CDS2: variants seen among roughly 807,000 people sequenced by gnomAD.
CDS2 encodes phosphatidate cytidylyltransferase 2.
In CDS2, 47 loss-of-function variants were observed where a neutral mutation model predicts 59.0. The ratio of observed to expected loss-of-function variants is 0.80; its 90% CI spans 0.63 to 1.02. The LOEUF is 1.02. CDS2 is among the 50% of genes least tolerant of loss of function. CDS2 has a pLI of 0.00. For synonymous variants in CDS2, 207 were observed against 206.4 expected (o/e 1.00, Z -0.02); for missense variants, 356 against 558.9 (o/e 0.64, Z 3.66).
At chr20:5,178,760 T>C (rs1217959222) in intron 4 of CDS2, 57 bp from the exon 5 acceptor site, 11 of 1,592,302 alleles carry the variant, frequency 6.9e-6, no homozygotes, top group Non-Finnish European at 9.5e-6. Flanking sequence ...GATGTCTGAC[T>C]GCCTTGCTGT....
chr20:5,160,068 A>T (rs1476105078), intron 1 of CDS2, among the ~76,000 whole-genome samples: 1 of 152,194 alleles, frequency 6.6e-6, no homozygotes, highest in Non-Finnish European at 1.5e-5. Context: ...GCCGATGATG[A>T]TGAAGCTGAG....
intron 1 of CDS2, among the ~76,000 whole-genome samples, chr20:5,135,699 G>A (rs934462634): frequency 1.3e-5 from 2 of 152,010 alleles, no homozygotes; most frequent in African/African-American, 4.8e-5. Context: ...CATGTTGTTT[G>A]CCCCAACAGT....
chr20:5,183,253 C>T (rs2091044174), intron 7 of CDS2, 110 bp downstream of exon 7: 4 of 866,682 alleles, frequency 4.6e-6, no homozygotes, highest in African/African-American at 1.7e-5. Context: ...GAATCCTCTG[C>T]AGGGTTCATT....
rs1040019910 is a variant in CDS2, at chr20:5,183,086, T to A, written c.614T>A (p.Leu205Gln). Residue 205 changes from leucine to glutamine, a missense_variant, in exon 7 of 13, where the codon CTG becomes CAG. Physicochemically the swap from Leu to Gln is moderately radical, Grantham distance 113. This residue lies in a region of CDS2 where 87 missense variants were observed against 193.3 expected (regional missense o/e 0.45). Coordinates refer to ENST00000460006, the MANE Select transcript of CDS2 (RefSeq NM_003818.4). ...TTTGGCTGGACCCATGTGACATTGCTGATTGTTGTAACACAGTCACATCTT... is the reference window on the plus strand; with the variant it reads ...TTTGGCTGGACCCATGTGACATTGCAGATTGTTGTAACACAGTCACATCTT... ...YMFGWTHVTL[L>Q]IVVTQSHLVI... 1.2e-6 allele frequency: 2 copies of A among 1,614,160 alleles called. No homozygotes were observed. Among genetic ancestry groups the A allele is most frequent in the Non-Finnish European group, 1.7e-6 (2 of 1,179,982 alleles).
At chr20:5,135,942 C>T (rs2090646584) in intron 1 of CDS2, among the ~76,000 whole-genome samples, 1 of 152,208 alleles carries the variant, frequency 6.6e-6, no homozygotes, top group South Asian at 2.1e-4. Flanking sequence ...CAAAGTCAGA[C>T]ATCTTTTTGA....
chr20:5,129,858 C>T (rs916138043), intron 1 of CDS2, among the ~76,000 whole-genome samples: 6 of 151,848 alleles, frequency 4.0e-5, no homozygotes, highest in South Asian at 2.1e-4. Flanking sequence ...AGACTACAGA[C>T]GTGAGCCACC....
chr20:5,182,976 CA>C, intron 6 of CDS2, 84 bp from the exon 7 acceptor site: 1 of 1,070,332 alleles, frequency 9.3e-7, no homozygotes, highest in Non-Finnish European at 1.4e-6. Flanking sequence ...TGCTTCTCAG[CA>C]GTTTTCTATT....
chr20:5,150,546 A>T (rs185110313), intron 1 of CDS2, among the ~76,000 whole-genome samples: 141 of 152,228 alleles, frequency 9.3e-4, no homozygotes, highest in African/African-American at 3.1e-3. Context: ...CCCTTGCCTT[A>T]CTTTGTACCC....
chr20:5,186,039 C>T (rs772997516), intron 9 of CDS2, among the ~76,000 whole-genome samples: 8 of 152,264 alleles, frequency 5.3e-5, no homozygotes, highest in African/African-American at 9.6e-5. Flanking sequence ...TATGCCCTCT[C>T]GCGCCCAGGC....
At chr20:5,146,759 G>A (rs2090746892) in intron 1 of CDS2, among the ~76,000 whole-genome samples, 2 of 152,110 alleles carry the variant, frequency 1.3e-5, no homozygotes, top group South Asian at 2.1e-4. Flanking sequence ...AACTGCAAAT[G>A]ACCAAAAACT....
intron 1 of CDS2, among the ~76,000 whole-genome samples, chr20:5,160,979 T>G (rs115413080): frequency 6.6e-6 from 1 of 152,352 alleles, no homozygotes; most frequent in African/African-American, 2.4e-5. Flanking sequence ...GCTTCTACTT[T>G]TTTGTTTATT....
chr20:5,142,643 C>T (rs2090704389), intron 1 of CDS2, among the ~76,000 whole-genome samples: 1 of 151,936 alleles, frequency 6.6e-6, no homozygotes, highest in South Asian at 2.1e-4. Flanking sequence ...AAGCACTAAC[C>T]ATAAAAGAAA....
chr20:5,145,048 G>A (rs955474265), intron 1 of CDS2, among the ~76,000 whole-genome samples: 27 of 152,042 alleles, frequency 1.8e-4, no homozygotes, highest in African/African-American at 5.8e-4. Flanking sequence ...AGAGGAACAG[G>A]ATGGAGTAGG....
intron 1 of CDS2, among the ~76,000 whole-genome samples, 157 bp downstream of exon 1, chr20:5,127,306 C>T (rs970034824): frequency 6.6e-6 from 1 of 152,062 alleles, no homozygotes; most frequent in African/African-American, 2.4e-5. Context: ...GGGTGCCCGG[C>T]CTTCGCGGCG....
At chr20:5,136,675 A>G (rs2090652359) in intron 1 of CDS2, among the ~76,000 whole-genome samples, 2 of 151,986 alleles carry the variant, frequency 1.3e-5, no homozygotes, top group Non-Finnish European at 2.9e-5. Flanking sequence ...ATCTTTCAGG[A>G]GTTCTGAAAC....
At position 5,190,301 on chromosome 20, in the gene CDS2, C is replaced by T; in HGVS notation, c.*67C>T. ...GGGCAGGTCTCCAAGGCAAGCCCAG[C>T]TGGTGTGACTTAGACAATGACGAGG... On this transcript the variant is annotated 3_prime_UTR_variant, in exon 13 of 13. Coordinates refer to ENST00000460006, the MANE Select transcript of CDS2 (RefSeq NM_003818.4). 1.4e-6 allele frequency: 2 copies of T among 1,469,268 alleles called. No homozygotes were observed. Among genetic ancestry groups the T allele is most frequent in the South Asian group, 1.3e-5 (1 of 78,214 alleles). 91.0% of individuals were successfully genotyped at this position (1,469,268 alleles called of 1,614,324 possible).
chr20:5,147,487 T>C (rs2090753085), intron 1 of CDS2, among the ~76,000 whole-genome samples: 1 of 152,156 alleles, frequency 6.6e-6, no homozygotes, highest in South Asian at 2.1e-4. Context: ...CTTTGGTGTG[T>C]GGTACATAAA....
At chr20:5,152,742 C>T (rs1473659917) in intron 1 of CDS2, among the ~76,000 whole-genome samples, 1 of 152,216 alleles carries the variant, frequency 6.6e-6, no homozygotes, top group African/African-American at 2.4e-5. Flanking sequence ...GACTCTGTCT[C>T]TCACACACAC....
chr20:5,180,663 T>A (rs1345605540), intron 5 of CDS2, among the ~76,000 whole-genome samples: 1 of 152,182 alleles, frequency 6.6e-6, no homozygotes, highest in Non-Finnish European at 1.5e-5. Flanking sequence ...TATCTCATCC[T>A]GTGACTTAGA....
Sources: allele counts gnomAD v4.1 joint callset (sites outside exome capture counted in the v4.1 genomes callset), GRCh38; gene constraint gnomAD v4.1.1; regional missense constraint gnomAD v4.1.1; transcripts MANE v1.5; gene names NCBI Gene and HGNC (gene_info 2026-07-23, HGNC 2026-07-21).